Variants in DENND4A observed in about 807,000 individuals in gnomAD.
The protein encoded by DENND4A is DENN domain containing 4A.
DENND4A carries 70 observed loss-of-function variants against 199.3 expected under a neutral mutation model. The ratio of observed to expected loss-of-function variants is 0.35; its 90% confidence interval spans 0.29 to 0.43. The LOEUF is 0.43. DENND4A is among the 20% of genes least tolerant of loss of function. The pLI is 1.00. For missense variants in DENND4A, 1,723 were observed against 2,255.8 expected (o/e 0.76, Z 4.78); for synonymous variants, 686 against 766.9 (o/e 0.89, Z 1.74).
At chr15:65,731,367 C>A (rs1244491051) in intron 9 of DENND4A, 3 of 476,002 alleles carry the variant, frequency 6.3e-6, no homozygotes, top group Non-Finnish European at 1.2e-5. Flanking sequence ...AATAACTGTT[C>A]TCATCATCTA....
Position 65,736,726 on chromosome 15 carries a change from CTA to C in DENND4A, c.1040+979_1040+980del, listed in dbSNP as rs376261127. On this transcript the variant is annotated intron_variant, in intron 7 of 32. Transcript: ENST00000443035. ...GATCCAAAATCCCTCCCTTTTCTAC[CTA>C]CATATCTGTGGGAGGCCAGGCTTTC... 2.8e-3 allele frequency among the ~76,000 whole-genome samples: 420 copies of C among 152,270 alleles called. 3 individuals are homozygous for C. The highest frequency in any genetic ancestry group is 9.5e-3 in the African/African-American group (396 of 41,550).
chr15:65,742,979 C>A (rs959866025), intron 4 of DENND4A, among the ~76,000 whole-genome samples: 5 of 152,122 alleles, frequency 3.3e-5, no homozygotes, highest in African/African-American at 1.2e-4. Flanking sequence ...AATCCATGCA[C>A]ATGAAGAAGT....
intron 1 of DENND4A, among the ~76,000 whole-genome samples, chr15:65,791,600 C>A (rs567083042): frequency 6.6e-6 from 1 of 152,144 alleles, no homozygotes; most frequent in South Asian, 2.1e-4. Context: ...GGGCTCCCCC[C>A]GCCGCCTGTC....
intron 22 of DENND4A, among the ~76,000 whole-genome samples, chr15:65,694,679 A>T: frequency 6.6e-6 from 1 of 152,338 alleles, no homozygotes; most frequent in Middle Eastern, 3.4e-3. Context: ...GTATATAATA[A>T]GTATTTCTAT....
chr15:65,785,259 G>T lies in DENND4A; in HGVS notation c.-102+6751C>A, dbSNP rs545088420. Among the ~76,000 whole-genome samples the T allele has an allele frequency of 7.9e-5, 12 of 151,624 alleles. 1 individual carries two copies. Among genetic ancestry groups the T allele is most frequent in the Non-Finnish European group, 1.3e-4 (9 of 67,906 alleles). On this transcript the variant is annotated intron_variant, in intron 1 of 32. Coordinates refer to ENST00000443035, the MANE Select transcript of DENND4A (RefSeq NM_001320835.1). The stretch of plus-strand genomic sequence containing the variant: ...TCACGATTATAATTCCAGCACTTTG[G>T]GGGGCCAAGGCAGGCACATAGTTTG...
At chr15:65,685,239 G>T (rs2076728378) in intron 23 of DENND4A, among the ~76,000 whole-genome samples, 1 of 151,780 alleles carries the variant, frequency 6.6e-6, no homozygotes, top group Non-Finnish European at 1.5e-5. Context: ...CCATTTCCCT[G>T]CCTCAGCCTC....
chr15:65,737,388 A>G (rs923694679), intron 7 of DENND4A, among the ~76,000 whole-genome samples: 1 of 152,198 alleles, frequency 6.6e-6, no homozygotes, highest in Non-Finnish European at 1.5e-5. Flanking sequence ...AAGGTTCATA[A>G]TAAATTTAAA....
chr15:65,771,990 AT>A, intron 1 of DENND4A: 1 of 1,501,050 alleles, frequency 6.7e-7, no homozygotes, highest in Non-Finnish European at 9.2e-7. Context: ...CTTCATAGTA[AT>A]TTTTATATTT....
intron 4 of DENND4A, among the ~76,000 whole-genome samples, chr15:65,746,743 C>T (rs1555431261): frequency 1.3e-5 from 2 of 151,696 alleles, no homozygotes; most frequent in Non-Finnish European, 2.9e-5. Context: ...AGTTGTAAAA[C>T]AAGAGCCATG....
intron 27 of DENND4A, among the ~76,000 whole-genome samples, chr15:65,669,227 A>G (rs931360628): frequency 2.0e-5 from 3 of 152,192 alleles, no homozygotes; most frequent in Non-Finnish European, 2.9e-5. Context: ...GCAGCTACCA[A>G]TATGGCTTCA....
rs746351540 is a variant in DENND4A at position 65,661,824 on chromosome 15, T to C, written c.*27A>G. The C allele has an allele frequency of 3.2e-6, 5 of 1,574,048 alleles. No homozygotes were observed. The highest frequency in any genetic ancestry group is 2.3e-5 in the South Asian group (2 of 86,438). On this transcript the variant is annotated 3_prime_UTR_variant, in exon 33 of 33. Transcript: ENST00000443035. ...TTATACACTGACTATACAATATACA[T>C]TGAATGTTTACACATACAAATACAT...
At position 65,659,252 on chromosome 15, in the gene DENND4A, A is replaced by G. The variant is rs1291218102; in HGVS notation, c.*2599T>C. 6.6e-6 allele frequency: 1 copy of G among 151,772 alleles called. No homozygotes were observed. Among genetic ancestry groups the G allele is most frequent in the Admixed American group, 6.6e-5 (1 of 15,234 alleles). The allele number at this position is 151,772 out of a possible 1,614,324, so 9.4% of individuals were successfully genotyped here. On this transcript the variant is annotated 3_prime_UTR_variant, in exon 33 of 33. Coordinates refer to ENST00000443035, the MANE Select transcript of DENND4A (RefSeq NM_001320835.1). ...CCAACATGATTGGCCATTATTCTCC[A>G]AAATGTATGGTTAACAGAAAATTGA...
In DENND4A at chr15:65,717,839, C is replaced by A; in HGVS notation, c.1746G>T (p.Arg582Ser). The A allele has an allele frequency of 6.2e-7, 1 of 1,605,190 alleles. No individual in the cohort carries two copies. The highest frequency in any genetic ancestry group is 8.5e-7 in the Non-Finnish European group (1 of 1,175,390). The stretch of plus-strand genomic sequence containing the variant: ...TCTCAGATGGGGCTTGTGTTATTGG[C>A]CTTAAGTATGATCTGTAACCTTTTA... ...SILKGYRSYL[R>S]PITQAPSETA... The change falls in exon 13 of 33, where the codon AGG (arginine) becomes AGT (serine). Residue 582 changes from arginine to serine, a missense_variant. Arg to Ser is a moderately radical substitution (Grantham distance 110). Transcript: ENST00000443035.
At chr15:65,779,550 C>T (rs2077381546) in intron 1 of DENND4A, among the ~76,000 whole-genome samples, 1 of 151,988 alleles carries the variant, frequency 6.6e-6, no homozygotes, top group South Asian at 2.1e-4. Flanking sequence ...GGGTGTGTGG[C>T]ACAATCATAG....
intron 4 of DENND4A, among the ~76,000 whole-genome samples, chr15:65,743,768 G>A (rs2076316881): frequency 1.3e-5 from 2 of 152,170 alleles, no homozygotes. Context: ...GGAATGTCAA[G>A]AGGAAAGGCC....
At chr15:65,760,643 C>T (rs2076830228) in intron 2 of DENND4A, among the ~76,000 whole-genome samples, 1 of 152,124 alleles carries the variant, frequency 6.6e-6, no homozygotes, top group Admixed American at 6.6e-5. Context: ...AATCCCAGCA[C>T]TTTTGGAGGC....
At chr15:65,741,650 CT>C (rs2076265512) in intron 5 of DENND4A, 64 bp downstream of exon 5, 36 of 1,418,512 alleles carry the variant, frequency 2.5e-5, no homozygotes, top group Non-Finnish European at 3.5e-5. Flanking sequence ...GGTTTCTTTA[CT>C]TTAACCTTTC....
chr15:65,683,476 TA>T (rs1300679896), intron 23 of DENND4A, among the ~76,000 whole-genome samples: 2 of 152,220 alleles, frequency 1.3e-5, no homozygotes, highest in African/African-American at 4.8e-5. Flanking sequence ...CATAAATCAT[TA>T]ATTTTAAATC....
chr15:65,669,840 T>C lies in DENND4A; in HGVS notation c.4726A>G (p.Thr1576Ala), dbSNP rs768244115. The C allele has an allele frequency of 2.5e-6, 4 of 1,613,854 alleles. No individual in the cohort carries two copies. The highest frequency in any genetic ancestry group is 3.4e-6 in the Non-Finnish European group (4 of 1,179,780). ...GATGTGTCAAGACCAGAGGCTGATG[T>C]TGAAATGCAAGACTGCCTCGTCTGA... Reference protein sequence around the residue: ...SSQTRQSCISTSASGLDTSAL... With the variant: ...SSQTRQSCISASASGLDTSAL... Residue 1576 changes from threonine to alanine, a missense_variant, in exon 27 of 33, where the codon ACA (threonine) becomes GCA (alanine). This residue lies in a region of DENND4A where 141 missense variants were observed against 170.7 expected (regional missense o/e 0.83). Coordinates refer to ENST00000443035, the MANE Select transcript of DENND4A (RefSeq NM_001320835.1).
Sources: gnomAD v4.1 joint callset for allele counts (sites outside exome capture counted in the v4.1 genomes callset) on GRCh38, gnomAD v4.1.1 for gene constraint, gnomAD v4.1.1 regional missense constraint, MANE v1.5 for transcripts, NCBI Gene and HGNC (gene_info 2026-07-23, HGNC 2026-07-21) for gene names.